SHC4: variants seen among roughly 807,000 people sequenced by gnomAD.
SHC4 encodes SHC-transforming protein 4.
In SHC4, 41 loss-of-function variants were observed where a neutral mutation model predicts 69.4. The observed-to-expected ratio is 0.59, with a 90% CI of 0.46 to 0.77. SHC4 has a LOEUF of 0.77. SHC4 is among the 30% of genes least tolerant of loss of function. The probability of loss-of-function intolerance (pLI) is 0.00; values close to 1 mark genes in which losing one functional copy is unlikely to be tolerated. For missense variants in SHC4, 777 were observed against 783.8 expected, an observed-to-expected ratio of 0.99 and a Z score of 0.10; for synonymous variants, 318 against 299.3, an observed-to-expected ratio of 1.06 and a Z score of -0.64.
At chr15:48,846,540 C>T (rs1418289708) in intron 9 of SHC4, among the ~76,000 whole-genome samples, 1 of 152,124 alleles carries the variant, frequency 6.6e-6, no homozygotes, top group African/African-American at 2.4e-5. Flanking sequence ...TTTCAGGAAG[C>T]CTTCCCCTGA....
In SHC4 at chr15:48,924,968, A is replaced by G. The variant is rs771490723; in HGVS notation, c.586-19T>C. On this transcript the variant is annotated intron_variant, in intron 1 of 11. Transcript: ENST00000332408. The stretch of plus-strand genomic sequence containing the variant: ...CCATGTACTACAATAAGAAGAAAAA[A>G]AAGAAGAAGTAGGACAAAAATTCCA... 1.2e-6 allele frequency: 2 copies of G among 1,613,618 alleles called. No individual in the cohort carries two copies. Among genetic ancestry groups the G allele is most frequent in the South Asian group, 2.2e-5 (2 of 91,040 alleles).
chr15:48,895,221 C>T (rs1900203713), intron 2 of SHC4, among the ~76,000 whole-genome samples: 1 of 152,036 alleles, frequency 6.6e-6, no homozygotes, highest in Non-Finnish European at 1.5e-5. Flanking sequence ...CCTCATTTTA[C>T]CAATGAGGAT....
At chr15:48,867,987 G>A in intron 5 of SHC4, 118 bp from the exon 6 acceptor site, 1 of 780,628 alleles carries the variant, frequency 1.3e-6, no homozygotes. Flanking sequence ...TTTATTTAAA[G>A]AGACAAGAAA....
intron 4 of SHC4, among the ~76,000 whole-genome samples, chr15:48,874,481 A>G (rs1899755019): frequency 7.8e-6 from 1 of 128,140 alleles, no homozygotes; most frequent in East Asian, 2.3e-4. Context: ...CGTTGCTCAC[A>G]TTACTGTCTG....
At chr15:48,933,683 C>T (rs1156765554) in intron 1 of SHC4, among the ~76,000 whole-genome samples, 1 of 152,158 alleles carries the variant, frequency 6.6e-6, no homozygotes, top group African/African-American at 2.4e-5. Context: ...AGAGAATCCG[C>T]ATGTCCCAAT....
intron 4 of SHC4, chr15:48,877,418 A>G (rs1376981960): frequency 3.1e-6 from 3 of 972,652 alleles, no homozygotes; most frequent in Non-Finnish European, 2.4e-6. Context: ...TATAATTCAT[A>G]TAAGTATATA....
In SHC4 at chr15:48,824,101, C is replaced by CT. The variant is rs1462051579; in HGVS notation, c.*1869dup. On this transcript the variant is annotated 3_prime_UTR_variant, in exon 12 of 12. Coordinates refer to ENST00000332408, the MANE Select transcript of SHC4 (RefSeq NM_203349.4). The stretch of plus-strand genomic sequence containing the variant: ...TAGACTACCCATACATTTCTACTGT[C>CT]TATACTCATGCTGATCCCCTTTTTA... 1 of 152,190 alleles carries CT rather than the reference C, an allele frequency of 6.6e-6. No homozygotes were observed. The highest frequency in any genetic ancestry group is 2.4e-5 in the African/African-American group (1 of 41,424). The allele number at this position is 152,190 out of a possible 1,614,324, so 9.4% of individuals were successfully genotyped here. A position where few individuals can be genotyped will look rare whatever the true frequency, so the allele number is the denominator to read the frequency against.
chr15:48,951,508 T>C (rs1232968541), intron 1 of SHC4, among the ~76,000 whole-genome samples: 1 of 152,186 alleles, frequency 6.6e-6, no homozygotes, highest in East Asian at 1.9e-4. Flanking sequence ...GGCTTTCTGG[T>C]GAAAACCCAG....
At chr15:48,885,023 C>T (rs971592116) in intron 3 of SHC4, among the ~76,000 whole-genome samples, 3 of 152,124 alleles carry the variant, frequency 2.0e-5, no homozygotes, top group African/African-American at 7.2e-5. Context: ...AGATGATTTA[C>T]CAGAAATTAC....
chr15:48,951,506 G>T (rs1901364195), intron 1 of SHC4, among the ~76,000 whole-genome samples: 1 of 151,978 alleles, frequency 6.6e-6, no homozygotes, highest in South Asian at 2.1e-4. Flanking sequence ...GTGGCTTTCT[G>T]GTGAAAACCC....
intron 6 of SHC4, among the ~76,000 whole-genome samples, chr15:48,866,998 A>T (rs2140990310): frequency 6.6e-6 from 1 of 152,352 alleles, no homozygotes; most frequent in Non-Finnish European, 1.5e-5. Context: ...TCATTCAATA[A>T]AATAGTTTTT....
chr15:48,826,241 A>G (rs1205920603), intron 11 of SHC4, 115 bp from the exon 12 acceptor site: 1 of 1,081,590 alleles, frequency 9.2e-7, no homozygotes, highest in Admixed American at 3.1e-5. Flanking sequence ...TTTGCTGAAA[A>G]AAGAAAAGGT....
chr15:48,852,907 A>G (rs1486300981), intron 8 of SHC4, among the ~76,000 whole-genome samples: 1 of 128,356 alleles, frequency 7.8e-6, no homozygotes, highest in Admixed American at 8.6e-5. Context: ...GTCTCAAAAA[A>G]ATATATAAAA....
chr15:48,841,007 T>C (rs143092309), intron 10 of SHC4, among the ~76,000 whole-genome samples: 59 of 152,124 alleles, frequency 3.9e-4, no homozygotes, highest in African/African-American at 1.2e-3. Context: ...CAATGAATGA[T>C]AGAAATTTTG....
At chr15:48,951,138 T>A (rs1446769137) in intron 1 of SHC4, among the ~76,000 whole-genome samples, 1 of 151,986 alleles carries the variant, frequency 6.6e-6, no homozygotes, top group Non-Finnish European at 1.5e-5. Context: ...AAATAATTTC[T>A]CCCCAGTCCT....
chr15:48,837,640 G>T (rs1227458947), intron 10 of SHC4, among the ~76,000 whole-genome samples: 1 of 152,112 alleles, frequency 6.6e-6, no homozygotes, highest in Non-Finnish European at 1.5e-5. Context: ...GGTTAAGGAA[G>T]TAATAAGGAA....
chr15:48,955,812 T>C (rs1340191903), intron 1 of SHC4, among the ~76,000 whole-genome samples: 1 of 152,170 alleles, frequency 6.6e-6, no homozygotes, highest in African/African-American at 2.4e-5. Flanking sequence ...TGGGGGAAGA[T>C]GAAGCAAGGT....
intron 2 of SHC4, among the ~76,000 whole-genome samples, chr15:48,891,896 C>G (rs776611229): frequency 1.2e-4 from 18 of 152,028 alleles, no homozygotes; most frequent in Admixed American, 2.6e-4. Context: ...GCTCTGTCGC[C>G]CAGGCTGGAG....
At chr15:48,845,701 A>C (rs1899076614) in intron 9 of SHC4, among the ~76,000 whole-genome samples, 1 of 152,196 alleles carries the variant, frequency 6.6e-6, no homozygotes, top group Non-Finnish European at 1.5e-5. Flanking sequence ...AATTAAGTGT[A>C]GATTTACATC....
Sources: gnomAD v4.1 joint callset for allele counts (sites outside exome capture counted in the v4.1 genomes callset) on GRCh38, gnomAD v4.1.1 for gene constraint, MANE v1.5 for transcripts, NCBI Gene and HGNC (gene_info 2026-07-23, HGNC 2026-07-21) for gene names.